Variants in GNAO1 observed in about 807,000 individuals in gnomAD.
GNAO1 encodes the protein G protein subunit alpha o1.
For synonymous variants in GNAO1, 164 were observed against 180.7 expected, an observed-to-expected ratio of 0.91 and a Z score of 0.74; for missense variants, 166 against 478.7, an observed-to-expected ratio of 0.35 and a Z score of 6.10.
intron 3 of GNAO1, among the ~76,000 whole-genome samples, chr16:56,327,087 C>A (rs2037640468): frequency 6.6e-6 from 1 of 152,168 alleles, no homozygotes; most frequent in African/African-American, 2.4e-5. Context: ...ACTACAGCAA[C>A]TGCTGTATTA....
chr16:56,324,235 T>A (rs1219335087), intron 3 of GNAO1, among the ~76,000 whole-genome samples: 6 of 152,222 alleles, frequency 3.9e-5, no homozygotes, highest in African/African-American at 1.4e-4. Flanking sequence ...CTTTGTGGCC[T>A]CGGTTTGTAA....
chr16:56,210,628 T>C lies in GNAO1; in HGVS notation c.161+18012T>C, dbSNP rs151012236. On this transcript the variant is annotated intron_variant, in intron 2 of 8. Transcript: ENST00000262493. Reference sequence around the variant, plus strand: ...GTCCATTCTAATATGTATGTTGTGGTATCTCGTTGTTAGAGAAATTTGGAT... The same window carrying C: ...GTCCATTCTAATATGTATGTTGTGGCATCTCGTTGTTAGAGAAATTTGGAT... Among the ~76,000 whole-genome samples, 413 of 152,352 alleles carry C rather than the reference T, an allele frequency of 2.7e-3. 2 individuals carry two copies. The highest frequency in any genetic ancestry group is 9.5e-3 in the African/African-American group (396 of 41,580).
chr16:56,290,767 A>G (rs1479286389), intron 3 of GNAO1, among the ~76,000 whole-genome samples: 2 of 152,180 alleles, frequency 1.3e-5, no homozygotes, highest in Middle Eastern at 3.2e-3. Flanking sequence ...AAGCACCTCC[A>G]AAAGAAACCC....
chr16:56,273,688 A>AT (rs1246240083), intron 2 of GNAO1, among the ~76,000 whole-genome samples: 10 of 151,472 alleles, frequency 6.6e-5, no homozygotes, highest in South Asian at 2.1e-4. Flanking sequence ...GATCAGCTTG[A>AT]TTTTTTTTTA....
At chr16:56,261,839 T>C (rs1421726937) in intron 2 of GNAO1, among the ~76,000 whole-genome samples, 1 of 152,198 alleles carries the variant, frequency 6.6e-6, no homozygotes, top group African/African-American at 2.4e-5. Flanking sequence ...GACCGTCCGA[T>C]GCCCTGCTGC....
At chr16:56,298,545 A>G (rs2037310081) in intron 3 of GNAO1, among the ~76,000 whole-genome samples, 1 of 152,218 alleles carries the variant, frequency 6.6e-6, no homozygotes, top group Non-Finnish European at 1.5e-5. Flanking sequence ...AGAATCCAAA[A>G]CATAGCCCAT....
intron 6 of GNAO1, chr16:56,340,776 C>T (rs1264782498): frequency 1.6e-5 from 25 of 1,524,392 alleles, no homozygotes; most frequent in African/African-American, 2.7e-5. Flanking sequence ...TCATTGGCCG[C>T]GGTGGGTCAG....
chr16:56,323,787 G>C (rs1451050382), intron 3 of GNAO1, among the ~76,000 whole-genome samples: 1 of 152,190 alleles, frequency 6.6e-6, no homozygotes. Flanking sequence ...CCTTCTGTGT[G>C]GGGAGCAGGC....
At chr16:56,323,707 A>G (rs533620742) in intron 3 of GNAO1, among the ~76,000 whole-genome samples, 1 of 152,136 alleles carries the variant, frequency 6.6e-6, no homozygotes, top group African/African-American at 2.4e-5. Flanking sequence ...AGTGTGCCCA[A>G]CCAAAAATTT....
intron 3 of GNAO1, among the ~76,000 whole-genome samples, chr16:56,284,771 C>G (rs1176446284): frequency 1.3e-5 from 2 of 152,192 alleles, no homozygotes; most frequent in Non-Finnish European, 2.9e-5. Flanking sequence ...TTCCATTCAT[C>G]CAATGGGTGT....
chr16:56,320,867 T>C (rs2037564390), intron 3 of GNAO1, among the ~76,000 whole-genome samples: 1 of 152,198 alleles, frequency 6.6e-6, no homozygotes, highest in Non-Finnish European at 1.5e-5. Flanking sequence ...CACTCCTTCA[T>C]GCCTCAGGCA....
intron 6 of GNAO1, 145 bp downstream of exon 6, chr16:56,337,005 C>G: frequency 1.3e-6 from 1 of 782,630 alleles, no homozygotes; most frequent in East Asian, 2.7e-5. Flanking sequence ...CCATCATGGA[C>G]AGGCCGTGCC....
chr16:56,309,631 G>A (rs2037434500), intron 3 of GNAO1, among the ~76,000 whole-genome samples: 1 of 152,370 alleles, frequency 6.6e-6, no homozygotes. Flanking sequence ...AATCAGGGTT[G>A]TTCTCAGGCC....
chr16:56,214,488 G>A (rs2036421300), intron 2 of GNAO1, among the ~76,000 whole-genome samples: 1 of 152,184 alleles, frequency 6.6e-6, no homozygotes, highest in Admixed American at 6.5e-5. Flanking sequence ...TGTGTTTTAG[G>A]ACAAAAGGTT....
intron 2 of GNAO1, among the ~76,000 whole-genome samples, chr16:56,198,389 G>A (rs2036252600): frequency 6.6e-6 from 1 of 152,238 alleles, no homozygotes; most frequent in Admixed American, 6.5e-5. Context: ...TGAGGGGAAG[G>A]AGAGGAGAGA....
intron 3 of GNAO1, among the ~76,000 whole-genome samples, chr16:56,296,016 C>A (rs2037284988): frequency 6.6e-6 from 1 of 152,234 alleles, no homozygotes; most frequent in Admixed American, 6.5e-5. Flanking sequence ...GGAGACAGGC[C>A]ATTCCTTGGC....
At chr16:56,264,663 A>G (rs142744186) in intron 2 of GNAO1, among the ~76,000 whole-genome samples, 2 of 151,914 alleles carry the variant, frequency 1.3e-5, no homozygotes, top group African/African-American at 4.8e-5. Flanking sequence ...ATTATTTTAG[A>G]ACTCTTTAGA....
chr16:56,211,281 A>T (rs2143332562), intron 2 of GNAO1, among the ~76,000 whole-genome samples: 1 of 152,364 alleles, frequency 6.6e-6, no homozygotes, highest in South Asian at 2.1e-4. Context: ...CAGAGAGATG[A>T]TGAAATAAAC....
chr16:56,277,415 C>A (rs2037069937), intron 3 of GNAO1, among the ~76,000 whole-genome samples: 1 of 152,166 alleles, frequency 6.6e-6, no homozygotes, highest in Non-Finnish European at 1.5e-5. Flanking sequence ...GAGCTAGGTG[C>A]TGTGGATACA....
Sources: gnomAD v4.1 joint callset for allele counts (sites outside exome capture counted in the v4.1 genomes callset) on GRCh38, gnomAD v4.1.1 for gene constraint, MANE v1.5 for transcripts, NCBI Gene and HGNC (gene_info 2026-07-23, HGNC 2026-07-21) for gene names.